CNTN4: variants seen among roughly 807,000 people sequenced by gnomAD.
CNTN4 encodes contactin-4.
Under a neutral mutation model 122.5 loss-of-function variants are expected in CNTN4, and 77 were observed. The observed-to-expected ratio is 0.63, with a 90% CI of 0.52 to 0.76. The LOEUF (loss-of-function observed/expected upper bound fraction) is 0.76. Among genes scored for constraint, CNTN4 ranks in the 30% least tolerant of loss-of-function variants. CNTN4 has a pLI of 0.00. For synonymous variants in CNTN4, 512 were observed against 447.0 expected, an observed-to-expected ratio of 1.15 and a Z score of -1.83; for missense variants, 1,256 against 1,259.1, an observed-to-expected ratio of 1.00 and a Z score of 0.04.
At position 2,973,139 on chromosome 3, in the gene CNTN4, C is replaced by A. The variant is rs74351615; in HGVS notation, c.1359-15206C>A. Reference sequence around the variant, plus strand: ...TAAAGGCTCTTCGTTGAAATGAAATCGCTTTCTTTGCTACCTAGGGAAGAA... The same window carrying A: ...TAAAGGCTCTTCGTTGAAATGAAATAGCTTTCTTTGCTACCTAGGGAAGAA... On this transcript the variant is annotated intron_variant, in intron 13 of 24. Coordinates refer to ENST00000418658, the MANE Select transcript of CNTN4 (RefSeq NM_175607.3). 6.1e-3 allele frequency among the ~76,000 whole-genome samples: 926 copies of A among 152,128 alleles called. 18 individuals carry two copies. The highest frequency in any genetic ancestry group is 0.02 in the African/African-American group (845 of 41,454).
chr3:2,854,461 C>G (rs922596250), intron 7 of CNTN4, among the ~76,000 whole-genome samples: 2 of 151,324 alleles, frequency 1.3e-5, no homozygotes, highest in Non-Finnish European at 2.9e-5. Flanking sequence ...TTGGTAGAGA[C>G]GGGGTTTCTC....
chr3:2,877,462 A>G (rs1298820249), intron 8 of CNTN4, among the ~76,000 whole-genome samples: 1 of 152,242 alleles, frequency 6.6e-6, no homozygotes, highest in Non-Finnish European at 1.5e-5. Flanking sequence ...TACTTTATGC[A>G]TAAAATTATG....
chr3:2,894,937 T>C lies in CNTN4; in HGVS notation c.941-5748T>C, dbSNP rs149168498. Among the ~76,000 whole-genome samples, 903 of 152,268 alleles carry C rather than the reference T, an allele frequency of 5.9e-3. 6 individuals carry two copies. Among genetic ancestry groups the C allele is most frequent in the African/African-American group, 0.021 (862 of 41,538 alleles). ...AGAGCTGTGAATTCAATGGGCATAG[T>C]TGGACAGAAAGTAAGAGATGTAGGT... On this transcript the variant is annotated intron_variant, in intron 10 of 24. Transcript: ENST00000418658.
intron 2 of CNTN4, among the ~76,000 whole-genome samples, chr3:2,226,629 C>G (rs540608309): frequency 6.6e-6 from 1 of 152,064 alleles, no homozygotes; most frequent in Non-Finnish European, 1.5e-5. Flanking sequence ...TTCCACTGCA[C>G]CTTCATCATA....
chr3:2,983,590 C>A (rs1369253089), intron 13 of CNTN4, among the ~76,000 whole-genome samples: 2 of 152,202 alleles, frequency 1.3e-5, no homozygotes, highest in Admixed American at 1.3e-4. Flanking sequence ...TCGTTCTAAG[C>A]ACCGCACATC....
chr3:2,805,422 T>G (rs976529679), intron 6 of CNTN4, among the ~76,000 whole-genome samples: 4 of 152,152 alleles, frequency 2.6e-5, no homozygotes, highest in African/African-American at 9.7e-5. Context: ...GGAGCAATGT[T>G]GTGACGATGG....
chr3:2,634,220 T>C (rs553229915), intron 4 of CNTN4, among the ~76,000 whole-genome samples: 1 of 152,358 alleles, frequency 6.6e-6, no homozygotes, highest in African/African-American at 2.4e-5. Context: ...ACATTCAGTC[T>C]GTAGTATTTT....
chr3:2,560,139 CT>C (rs1377497892), intron 3 of CNTN4, among the ~76,000 whole-genome samples: 1 of 140,582 alleles, frequency 7.1e-6, no homozygotes, highest in Non-Finnish European at 1.6e-5. Flanking sequence ...TATTCTTTTT[CT>C]TTTTCTTTTT....
At chr3:2,849,986 C>CTTTTTTTTTTTTTTT (rs746657018) in intron 7 of CNTN4, among the ~76,000 whole-genome samples, 3 of 140,698 alleles carry the variant, frequency 2.1e-5, no homozygotes, top group African/African-American at 5.3e-5. Flanking sequence ...TTAGCAATCA[C>CTTTTTTTTTTTTTTT]TTTTTTTTCT....
intron 2 of CNTN4, among the ~76,000 whole-genome samples, chr3:2,242,445 C>G (rs2039978442): frequency 1.3e-5 from 2 of 152,062 alleles, no homozygotes; most frequent in South Asian, 4.1e-4. Context: ...ATGTTTTCTT[C>G]CAACTTTCCA....
intron 2 of CNTN4, among the ~76,000 whole-genome samples, chr3:2,208,990 C>T (rs2038486875): frequency 6.6e-6 from 1 of 152,098 alleles, no homozygotes; most frequent in African/African-American, 2.4e-5. Flanking sequence ...ACTTTGTGTG[C>T]CTCACTTTAT....
At chr3:2,494,078 A>G (rs935402825) in intron 3 of CNTN4, among the ~76,000 whole-genome samples, 20 of 150,542 alleles carry the variant, frequency 1.3e-4, no homozygotes, top group Admixed American at 1.3e-3. Flanking sequence ...TATTTGAGCT[A>G]TTATTATTTT....
chr3:2,156,192 G>C lies in CNTN4; in HGVS notation c.-145+55553G>C, dbSNP rs28731289. ...TTTTGGAGAGCTGGTAGGTGCCAGA[G>C]CCGTTCCTGCCTCAGTGCTTCCATA... On this transcript the variant is annotated intron_variant, in intron 2 of 24. Coordinates refer to ENST00000418658, the MANE Select transcript of CNTN4 (RefSeq NM_175607.3). Among the ~76,000 whole-genome samples, 534 of 152,340 alleles carry C rather than the reference G, an allele frequency of 3.5e-3. 3 individuals carry two copies. The highest frequency in any genetic ancestry group is 0.012 in the African/African-American group (513 of 41,568).
intron 6 of CNTN4, among the ~76,000 whole-genome samples, chr3:2,796,932 A>G (rs1428107926): frequency 2.0e-5 from 3 of 152,144 alleles, no homozygotes; most frequent in Admixed American, 6.6e-5. Flanking sequence ...TCAGATTCCT[A>G]CAGTAGCCCT....
chr3:2,180,607 A>G (rs2036972426), intron 2 of CNTN4, among the ~76,000 whole-genome samples: 1 of 152,050 alleles, frequency 6.6e-6, no homozygotes, highest in Admixed American at 6.6e-5. Context: ...TTCCTTATCC[A>G]TGTTTCCCAG....
chr3:2,988,551 A>T, intron 14 of CNTN4, 79 bp downstream of exon 14: 1 of 1,413,326 alleles, frequency 7.1e-7, no homozygotes, highest in African/African-American at 1.4e-5. Flanking sequence ...AAGTGGCATC[A>T]TTCATATTAA....
chr3:2,817,147 G>A (rs62234212), intron 6 of CNTN4, among the ~76,000 whole-genome samples: 7,371 of 152,238 alleles, frequency 0.048, 266 homozygotes, highest in Non-Finnish European at 0.077. Flanking sequence ...TCTAGTGTGC[G>A]TTTGCTATTA....
At chr3:2,541,440 A>G (rs1260528568) in intron 3 of CNTN4, among the ~76,000 whole-genome samples, 2 of 152,106 alleles carry the variant, frequency 1.3e-5, no homozygotes, top group African/African-American at 2.4e-5. Context: ...CGTTTTTTCC[A>G]TATTAAGGAA....
intron 4 of CNTN4, among the ~76,000 whole-genome samples, chr3:2,669,516 A>T (rs1402380642): frequency 6.6e-6 from 1 of 151,948 alleles, no homozygotes; most frequent in East Asian, 1.9e-4. Context: ...CAGTCTATCA[A>T]TTTTGTTGAT....
Sources: allele counts gnomAD v4.1 joint callset (sites outside exome capture counted in the v4.1 genomes callset), GRCh38; gene constraint gnomAD v4.1.1; transcripts MANE v1.5; gene names NCBI Gene and HGNC (gene_info 2026-07-23, HGNC 2026-07-21).